Variants in WFDC1 observed in about 807,000 individuals in gnomAD.
WFDC1 encodes WAP four-disulfide core domain protein 1.
In WFDC1, 39 loss-of-function variants were observed where a neutral mutation model predicts 32.9. The observed-to-expected ratio is 1.19, with a 90% CI of 0.92 to 1.55. WFDC1 has a LOEUF of 1.55. Among genes scored for constraint, WFDC1 ranks in the 40% most tolerant of loss-of-function variants. WFDC1 has a pLI of 0.00. For missense variants in WFDC1, 386 were observed against 309.5 expected, an observed-to-expected ratio of 1.25 and a Z score of -1.85; for synonymous variants, 184 against 137.4, an observed-to-expected ratio of 1.34 and a Z score of -2.37.
Position 84,313,000 on chromosome 16 carries a change from C to T in WFDC1, c.184C>T (p.Arg62Ter). The change falls in exon 2 of 7, where the codon CGA becomes TGA. Residue 62 changes from arginine to a stop codon, truncating the protein, a stop_gained. Coordinates refer to ENST00000219454, the MANE Select transcript of WFDC1 (RefSeq NM_021197.4). LOFTEE classifies it high-confidence loss of function. ...CGCGCCCGGCGGCCCCCGGCAGCCC[C>T]GAGCAGACCGCTGCCCGCCGCCTCC... ...AGAPGGPRQP[R>*]ADRCPPPPRT... is the part of the protein sequence containing the mutation. 8.0e-7 allele frequency: 1 copy of T among 1,254,336 alleles called. No individual in the cohort carries two copies. The highest frequency in any genetic ancestry group is 1.0e-6 in the Non-Finnish European group (1 of 1,000,528). The allele number at this position is 1,254,336 out of a possible 1,614,324, so 77.7% of individuals were successfully genotyped here.
intron 5 of WFDC1, 36 bp downstream of exon 5, chr16:84,324,496 A>T: frequency 1.3e-6 from 2 of 1,586,758 alleles, no homozygotes; most frequent in African/African-American, 2.7e-5. Flanking sequence ...TCCAGAGGGC[A>T]CAAAAAAAAG....
intron 6 of WFDC1, chr16:84,328,863 G>C: frequency 6.6e-6 from 1 of 152,046 alleles, no homozygotes; most frequent in East Asian, 1.9e-4. Flanking sequence ...GTGGTGGGAG[G>C]ATCACCTGAG....
chr16:84,298,250 G>C (rs983824384), intron 1 of WFDC1, among the ~76,000 whole-genome samples: 4 of 151,964 alleles, frequency 2.6e-5, no homozygotes, highest in African/African-American at 9.7e-5. Context: ...TGGGATTACA[G>C]GCATGTACCA....
At chr16:84,308,507 G>A (rs1457724299) in intron 1 of WFDC1, among the ~76,000 whole-genome samples, 1 of 152,240 alleles carries the variant, frequency 6.6e-6, no homozygotes, top group African/African-American at 2.4e-5. Context: ...CCCTCAGAAG[G>A]CTGTTTAAGC....
intron 1 of WFDC1, among the ~76,000 whole-genome samples, chr16:84,309,443 T>G (rs1907476672): frequency 6.6e-6 from 1 of 151,844 alleles, no homozygotes; most frequent in South Asian, 2.1e-4. Context: ...TGGATGGATT[T>G]GGAGGCATCG....
rs149361102 is a variant in WFDC1 at position 84,305,070 on chromosome 16, G to A, written c.145-7891G>A. ...GCTTGCTCTTGGGCAAATGCTTTTAGTTTTTTTGTGCCTCAGTTTCCTCAT... is the reference window on the plus strand; with the variant it reads ...GCTTGCTCTTGGGCAAATGCTTTTAATTTTTTTGTGCCTCAGTTTCCTCAT... On this transcript the variant is annotated intron_variant, in intron 1 of 6. Transcript: ENST00000219454. 7.7e-3 allele frequency among the ~76,000 whole-genome samples: 1,167 copies of A among 152,306 alleles called. 8 individuals are homozygous for A. Among genetic ancestry groups the A allele is most frequent in the Middle Eastern group, 0.014 (4 of 294 alleles).
intron 1 of WFDC1, among the ~76,000 whole-genome samples, chr16:84,303,537 T>C (rs561088098): frequency 7.8e-4 from 119 of 152,098 alleles, no homozygotes; most frequent in Non-Finnish European, 1.0e-3. Context: ...ATGATCTGAA[T>C]TCTTCCTCCA....
rs1597683054 is a variant in WFDC1, at chr16:84,315,233, C to G, written c.337+2080C>G. The stretch of plus-strand genomic sequence containing the variant: ...CCTCCTTTAGACCTATTTCCAAAGG[C>G]CACTTTTCAGGAAAGATTTCCCTCT... On this transcript the variant is annotated intron_variant, in intron 2 of 6. Transcript: ENST00000219454. 2.0e-5 allele frequency among the ~76,000 whole-genome samples: 3 copies of G among 152,358 alleles called. 1 individual carries two copies. The highest frequency in any genetic ancestry group is 6.8e-3 in the Middle Eastern group (2 of 294).
intron 2 of WFDC1, chr16:84,316,679 T>C (rs1907968319): frequency 6.6e-6 from 1 of 152,220 alleles, no homozygotes. Context: ...GATTTCTATT[T>C]TTAAAAATAC....
rs200771721 is a variant in WFDC1, at chr16:84,295,021, G to A, written c.50G>A (p.Arg17Gln). 3.2e-5 allele frequency: 52 copies of A among 1,614,192 alleles called. No individual in the cohort carries two copies. Among genetic ancestry groups the A allele is most frequent in the African/African-American group, 1.7e-4 (13 of 75,078 alleles). Residue 17 changes from arginine (R) to glutamine (Q), a missense_variant, in exon 1 of 7, where the codon CGG (arginine) becomes CAG (glutamine). Arg to Gln is a conservative substitution (Grantham distance 43). Transcript: ENST00000219454. Reference protein sequence around the residue: ...GPGSCRRQIIRALCLLLLLLH... With the variant: ...GPGSCRRQIIQALCLLLLLLH... ...GGCAGCTGCAGGAGGCAGATCATCC[G>A]GGCTCTGTGCCTCTTGCTACTTCTC... is the stretch of plus-strand genomic sequence containing the variant.
chr16:84,304,861 G>C (rs1355363384), intron 1 of WFDC1, among the ~76,000 whole-genome samples: 1 of 152,190 alleles, frequency 6.6e-6, no homozygotes, highest in Non-Finnish European at 1.5e-5. Flanking sequence ...CCTGAGCTGG[G>C]GCTGGGCCAC....
intron 4 of WFDC1, among the ~76,000 whole-genome samples, chr16:84,320,379 C>A (rs4782608): frequency 0.15 from 22,321 of 152,182 alleles, 1,665 homozygotes; most frequent in Non-Finnish European, 0.16. Context: ...TGTTTTCAAA[C>A]TGCATTGAAT....
At chr16:84,300,406 G>T (rs78021155) in intron 1 of WFDC1, among the ~76,000 whole-genome samples, 1 of 152,232 alleles carries the variant, frequency 6.6e-6, no homozygotes, top group Admixed American at 6.5e-5. Flanking sequence ...CTCCCTGAAG[G>T]GCGCCTTCCC....
At chr16:84,307,664 G>T (rs1907343624) in intron 1 of WFDC1, among the ~76,000 whole-genome samples, 1 of 152,148 alleles carries the variant, frequency 6.6e-6, no homozygotes, top group Admixed American at 6.5e-5. Flanking sequence ...TCATAAATGA[G>T]GCTTCATCGA....
At chr16:84,301,620 C>G (rs539104214) in intron 1 of WFDC1, among the ~76,000 whole-genome samples, 10 of 152,072 alleles carry the variant, frequency 6.6e-5, no homozygotes, top group African/African-American at 1.9e-4. Flanking sequence ...GTTGAGAACC[C>G]CAGAAAAGCC....
At chr16:84,310,459 C>T (rs1027621286) in intron 1 of WFDC1, among the ~76,000 whole-genome samples, 10 of 151,980 alleles carry the variant, frequency 6.6e-5, no homozygotes, top group African/African-American at 2.4e-4. Context: ...GATGATGTGC[C>T]CTCGCTCTGC....
chr16:84,319,018 T>C (rs758488466), intron 3 of WFDC1: 2 of 227,470 alleles, frequency 8.8e-6, no homozygotes, highest in Admixed American at 1.0e-4. Flanking sequence ...TGGATATGTG[T>C]GTGCAGGATT....
chr16:84,328,462 G>C (rs779811992), intron 6 of WFDC1: 1 of 152,326 alleles, frequency 6.6e-6, no homozygotes, highest in East Asian at 1.9e-4. Flanking sequence ...CAGATTGCAG[G>C]TTCCAGAATC....
rs543460614 is a variant in WFDC1 at position 84,324,013 on chromosome 16, G to A, written c.563-406G>A. Among the ~76,000 whole-genome samples the A allele has an allele frequency of 1.4e-4, 22 of 152,270 alleles. 1 individual carries two copies. Among genetic ancestry groups the A allele is most frequent in the African/African-American group, 4.6e-4 (19 of 41,548 alleles). ...CGCATGCCTGTAATCCCAGCTACTC[G>A]GGAGGCTGAGGCAGGAGAATCACTT... On this transcript the variant is annotated intron_variant, in intron 4 of 6. Transcript: ENST00000219454.
Sources: gnomAD v4.1 joint callset for allele counts (sites outside exome capture counted in the v4.1 genomes callset) on GRCh38, gnomAD v4.1.1 for gene constraint, MANE v1.5 for transcripts, NCBI Gene and HGNC (gene_info 2026-07-23, HGNC 2026-07-21) for gene names.